The following IQSEC1 variants were observed in gnomAD, a reference collection of about 807,000 sequenced individuals.
The protein encoded by IQSEC1 is IQ motif and Sec7 domain ArfGEF 1, also known as IQ motif and SEC7 domain-containing protein 1.
Under a neutral mutation model 91.0 loss-of-function variants are expected in IQSEC1, and 31 were observed. That is an observed-to-expected ratio of 0.34 (90% CI 0.26 to 0.46). The LOEUF (loss-of-function observed/expected upper bound fraction) is 0.46. IQSEC1 is among the 20% of genes least tolerant of loss of function. The probability of loss-of-function intolerance (pLI) is 1.00; values close to 1 mark genes in which losing one functional copy is unlikely to be tolerated. For synonymous variants in IQSEC1, 699 were observed against 662.6 expected (o/e 1.05, Z -0.84); for missense variants, 1,388 against 1,575.6 (o/e 0.88, Z 2.02).
intron 1 of IQSEC1, among the ~76,000 whole-genome samples, chr3:13,195,976 T>C (rs879653507): frequency 1.1e-4 from 17 of 152,236 alleles, no homozygotes; most frequent in Non-Finnish European, 8.8e-5. Flanking sequence ...TTCTTATGAC[T>C]ACATGTGAAT....
In IQSEC1 at chr3:12,934,091, G is replaced by A. The variant is rs570792608; in HGVS notation, c.1568+1357C>T. Among the ~76,000 whole-genome samples the A allele has an allele frequency of 1.9e-4, 29 of 152,314 alleles. No individual in the cohort carries two copies. The South Asian group carries it at 4.8e-3, about 25-fold the overall frequency. ...GCAGTGGGGACAGACTTCAGGGACC[G>A]TGTCAGGTGGGCCAGCAGGATGCAA... is the stretch of plus-strand genomic sequence containing the variant. On this transcript the variant is annotated intron_variant, in intron 3 of 13. Coordinates refer to ENST00000613206, the MANE Select transcript of IQSEC1 (RefSeq NM_001134382.3).
intron 1 of IQSEC1, among the ~76,000 whole-genome samples, chr3:13,274,673 T>A (rs1027482558): frequency 2.0e-5 from 3 of 152,192 alleles, no homozygotes; most frequent in African/African-American, 7.2e-5. Context: ...CAAGTGTTCA[T>A]CTCAGCGGAG....
intron 1 of IQSEC1, among the ~76,000 whole-genome samples, chr3:13,173,706 G>A (rs1050296158): frequency 1.5e-4 from 23 of 152,254 alleles, no homozygotes; most frequent in Admixed American, 5.2e-4. Flanking sequence ...GTAGGTCTGG[G>A]CCTTGGACAG....
At chr3:13,261,187 G>A (rs1343258695) in intron 1 of IQSEC1, among the ~76,000 whole-genome samples, 3 of 152,340 alleles carry the variant, frequency 2.0e-5, no homozygotes, top group African/African-American at 7.2e-5. Context: ...CCGCCTGCCA[G>A]GAGTGCTGGC....
In IQSEC1 at chr3:13,017,488, C is replaced by T. The variant is rs1184702290; in HGVS notation, c.23+55504G>A. Reference sequence around the variant, plus strand: ...TCTGAGCTCTCGGCGACAAGTGCTGCCCTGTGGTGCTTGCCAAGAAGAGCC... The same window carrying T: ...TCTGAGCTCTCGGCGACAAGTGCTGTCCTGTGGTGCTTGCCAAGAAGAGCC... On this transcript the variant is annotated intron_variant, in intron 1 of 13. Coordinates refer to ENST00000613206, the MANE Select transcript of IQSEC1 (RefSeq NM_001134382.3). Among the ~76,000 whole-genome samples the T allele has an allele frequency of 2.0e-5, 3 of 152,190 alleles. No homozygotes were observed. In the East Asian group the frequency reaches 5.8e-4, roughly 29 times the overall value.
Position 12,924,837 on chromosome 3 carries a change from C to T in IQSEC1, c.1569-95G>A, listed in dbSNP as rs1477630984. ...CCGCTCAGTGGACGGTCGACATTCT[C>T]CCTCCCTGCCCACCTGCACCGGCCT... is the stretch of plus-strand genomic sequence containing the variant. On this transcript the variant is annotated intron_variant, in intron 3 of 13. Transcript: ENST00000613206. This position sits in a 1 kb window ranked among gnomAD's most constrained non-coding sequence, Gnocchi z 6.3. 4 of 1,184,096 alleles carry T rather than the reference C, an allele frequency of 3.4e-6. No homozygotes were observed. The African/African-American group carries it at 4.7e-5, about 14-fold the overall frequency. The allele number at this position is 1,184,096 out of a possible 1,614,324, so 73.3% of individuals were successfully genotyped here. A position where few individuals can be genotyped will look rare whatever the true frequency, so the allele number is the denominator to read the frequency against.
chr3:12,963,217 T>C (rs1259307725), intron 1 of IQSEC1, among the ~76,000 whole-genome samples: 1 of 152,240 alleles, frequency 6.6e-6, no homozygotes, highest in Non-Finnish European at 1.5e-5. Flanking sequence ...TGGTTCTCCA[T>C]CGGGACCTTA....
chr3:12,905,923 T>C (rs183095823), intron 12 of IQSEC1, among the ~76,000 whole-genome samples: 13 of 152,358 alleles, frequency 8.5e-5, no homozygotes, highest in Middle Eastern at 6.8e-3. Context: ...AGCAGGACTC[T>C]TGTGCCGCTG....
At chr3:12,945,236 G>A (rs975485795) in intron 1 of IQSEC1, among the ~76,000 whole-genome samples, 11 of 152,076 alleles carry the variant, frequency 7.2e-5, no homozygotes, top group African/African-American at 2.7e-4. Flanking sequence ...GTGGCCTGGG[G>A]CAGACTTTCT....
Position 13,214,469 on chromosome 3 carries a change from C to T in IQSEC1, c.273-50336G>A, listed in dbSNP as rs1178118331. On this transcript the variant is annotated intron_variant, in intron 1 of 15. Transcript: ENST00000648114. The surrounding 1 kb of genome is among the most constrained non-coding windows in gnomAD (Gnocchi z 4.5). ...CCCTGCCTTGAATCTGGGACATGTC[C>T]CTCCTCGTAGCCCTCCTTCCTCCAA... Among the ~76,000 whole-genome samples the T allele has an allele frequency of 6.6e-6, 1 of 152,280 alleles. No homozygotes were observed. Among genetic ancestry groups the T allele is most frequent in the African/African-American group, 2.4e-5 (1 of 41,470 alleles).
chr3:13,017,447 C>T (rs368351251), intron 1 of IQSEC1, among the ~76,000 whole-genome samples: 11 of 152,282 alleles, frequency 7.2e-5, no homozygotes, highest in East Asian at 1.9e-4. Context: ...ATGCCCATGC[C>T]GCCTTGCTGC....
In IQSEC1 at chr3:12,897,803, G is replaced by C. The variant is rs879231561; in HGVS notation, c.*3180C>G. ...TTCAGCTCATTAAGAAAAACAAGAG[G>C]CTCCTGCTGCATGCAGTGTGTGAGG... On this transcript the variant is annotated 3_prime_UTR_variant, in exon 14 of 14. Transcript: ENST00000613206. The C allele has an allele frequency of 1.3e-5, 2 of 152,196 alleles. No individual in the cohort carries two copies. Among genetic ancestry groups the C allele is most frequent in the Non-Finnish European group, 2.9e-5 (2 of 68,044 alleles). 9.4% of individuals were successfully genotyped at this position (152,196 alleles called of 1,614,324 possible). A position where few individuals can be genotyped will look rare whatever the true frequency, so the allele number is the denominator to read the frequency against.
intron 2 of IQSEC1, among the ~76,000 whole-genome samples, chr3:13,140,384 G>A (rs1706780620): frequency 6.6e-6 from 1 of 152,224 alleles, no homozygotes; most frequent in South Asian, 2.1e-4. Context: ...TACATACCTG[G>A]TGTCTGTCTT....
At chr3:13,244,102 C>T (rs930737213) in intron 1 of IQSEC1, among the ~76,000 whole-genome samples, 2 of 152,236 alleles carry the variant, frequency 1.3e-5, no homozygotes, top group Admixed American at 1.3e-4. Context: ...CAACCTCCAG[C>T]CCGTCTGACT....
chr3:13,221,772 A>T (rs1694665168), intron 1 of IQSEC1, among the ~76,000 whole-genome samples: 1 of 152,242 alleles, frequency 6.6e-6, no homozygotes. Flanking sequence ...CGGCATTGGC[A>T]TCTGCCACAA....
intron 13 of IQSEC1, 105 bp from the exon 14 acceptor site, chr3:12,901,627 C>T (rs750456969): frequency 1.0e-6 from 1 of 977,600 alleles, no homozygotes; most frequent in East Asian, 2.6e-5. Context: ...GACTGCTAAG[C>T]TTTAGTTCAA....
intron 3 of IQSEC1, among the ~76,000 whole-genome samples, chr3:12,934,153 T>C (rs1209799746): frequency 1.3e-5 from 2 of 152,330 alleles, no homozygotes; most frequent in African/African-American, 4.8e-5. Flanking sequence ...GGCCGTGGCC[T>C]GTGCAGCAGT....
Position 12,979,943 on chromosome 3 carries a change from ACTAC to A in IQSEC1, c.24-38082_24-38079del, listed in dbSNP as rs1338562723. Among the ~76,000 whole-genome samples, 2 of 152,214 alleles carry A rather than the reference ACTAC, an allele frequency of 1.3e-5. No individual in the cohort carries two copies. The highest frequency in any genetic ancestry group is 2.9e-5 in the Non-Finnish European group (2 of 68,030). On this transcript the variant is annotated intron_variant, in intron 1 of 13. Transcript: ENST00000613206. The surrounding 1 kb of genome is among the most constrained non-coding windows in gnomAD (Gnocchi z 4.3). ...TACTCAAGCGAGAAATGATTTCCCG[ACTAC>A]CTGAGGTGGGGGAAGGCAGCCTGGT...
chr3:13,142,513 G>A (rs1706818172), intron 2 of IQSEC1, among the ~76,000 whole-genome samples: 1 of 152,174 alleles, frequency 6.6e-6, no homozygotes, highest in African/African-American at 2.4e-5. Flanking sequence ...ACCCACCTCT[G>A]GCTGCCTTCC....
Sources: gnomAD v4.1 joint callset for allele counts (sites outside exome capture counted in the v4.1 genomes callset) on GRCh38, gnomAD v4.1.1 for gene constraint, Gnocchi (gnomAD v3.1) non-coding constraint, MANE v1.5 for transcripts, NCBI Gene and HGNC (gene_info 2026-07-23, HGNC 2026-07-21) for gene names.